LARP1: variants seen among roughly 807,000 people sequenced by gnomAD.
The protein encoded by LARP1 is la-related protein 1.
In LARP1, 36 loss-of-function variants were observed where a neutral mutation model predicts 122.7. The observed-to-expected ratio is 0.29, with a 90% CI of 0.22 to 0.39. The LOEUF is 0.39. LARP1 is among the 10% of genes least tolerant of loss of function. The probability of loss-of-function intolerance (pLI) is 1.00; values close to 1 mark genes in which losing one functional copy is unlikely to be tolerated. For synonymous variants in LARP1, 539 were observed against 528.7 expected, an observed-to-expected ratio of 1.02 and a Z score of -0.27; for missense variants, 1,040 against 1,403.6, an observed-to-expected ratio of 0.74 and a Z score of 4.14.
intron 18 of LARP1, among the ~76,000 whole-genome samples, chr5:154,812,449 A>T (rs1426067013): frequency 6.6e-6 from 1 of 150,744 alleles, no homozygotes; most frequent in Non-Finnish European, 1.5e-5. Context: ...GGAAGCAAAT[A>T]CATCCTTCTT....
intron 3 of LARP1, among the ~76,000 whole-genome samples, chr5:154,791,378 T>C (rs1757339382): frequency 6.6e-6 from 1 of 151,858 alleles, no homozygotes; most frequent in African/African-American, 2.4e-5. Context: ...CATGCCTGGC[T>C]AATTTTTGTA....
At chr5:154,714,481 T>C (rs1755383240) in intron 1 of LARP1, among the ~76,000 whole-genome samples, 1 of 152,226 alleles carries the variant, frequency 6.6e-6, no homozygotes, top group Admixed American at 6.5e-5. Flanking sequence ...AACCCAGTCC[T>C]GGAATGTGGC....
intron 1 of LARP1, among the ~76,000 whole-genome samples, chr5:154,737,627 G>C (rs892234733): frequency 2.0e-5 from 3 of 151,808 alleles, no homozygotes; most frequent in Admixed American, 2.0e-4. Flanking sequence ...ATTTTTAGTA[G>C]AGACGGGATT....
At chr5:154,748,008 A>C (rs551847863) in intron 1 of LARP1, among the ~76,000 whole-genome samples, 1 of 152,268 alleles carries the variant, frequency 6.6e-6, no homozygotes, top group Admixed American at 6.5e-5. Flanking sequence ...CACCACACCC[A>C]GCTAATTTCT....
intron 1 of LARP1, among the ~76,000 whole-genome samples, chr5:154,714,395 G>A (rs1755377113): frequency 6.6e-6 from 1 of 152,112 alleles, no homozygotes; most frequent in Non-Finnish European, 1.5e-5. Flanking sequence ...TTTTTGAAAT[G>A]TACAATCATA....
chr5:154,754,854 G>C (rs575104212), upstream of LARP1, among the ~76,000 whole-genome samples: 2 of 152,124 alleles, frequency 1.3e-5, no homozygotes, highest in African/African-American at 4.8e-5. Context: ...GCGCGTCCTC[G>C]GGGCGGATGA....
chr5:154,718,130 C>T (rs1457548817), intron 1 of LARP1, among the ~76,000 whole-genome samples: 1 of 152,038 alleles, frequency 6.6e-6, no homozygotes, highest in Non-Finnish European at 1.5e-5. Flanking sequence ...CTTTGTTGCC[C>T]AGCCTGGTCT....
At chr5:154,721,255 G>C (rs1042797664) in intron 1 of LARP1, among the ~76,000 whole-genome samples, 11 of 151,102 alleles carry the variant, frequency 7.3e-5, no homozygotes, top group Non-Finnish European at 1.3e-4. Flanking sequence ...GCTGAGGTGG[G>C]AAGATCCCTT....
chr5:154,697,253 G>T (rs983989742), intron 1 of LARP1, among the ~76,000 whole-genome samples: 1 of 147,578 alleles, frequency 6.8e-6, no homozygotes, highest in Admixed American at 6.8e-5. Context: ...TGAACCAAAT[G>T]GGGAGGCAGG....
intron 16 of LARP1, among the ~76,000 whole-genome samples, chr5:154,810,383 C>G (rs1169059851): frequency 6.6e-6 from 1 of 150,854 alleles, no homozygotes; most frequent in Non-Finnish European, 1.5e-5. Context: ...TTGCAGTGAG[C>G]CAAGATCGTG....
intron 7 of LARP1, among the ~76,000 whole-genome samples, chr5:154,794,783 G>T (rs1757614749): frequency 1.3e-5 from 2 of 152,170 alleles, no homozygotes. Flanking sequence ...TAGAACCTTT[G>T]TTCTTAACCA....
chr5:154,802,260 CA>C lies in LARP1; in HGVS notation c.1971del (p.Asp660ThrfsTer12), dbSNP rs1758410639. On this transcript the variant is annotated frameshift_variant, in exon 11 of 19. Coordinates refer to ENST00000518297, the MANE Select transcript of LARP1 (RefSeq NM_033551.3). LOFTEE classifies it high-confidence loss of function. The surrounding 1 kb of genome is among the most constrained non-coding windows in gnomAD (Gnocchi z 5.1). Reference sequence around the variant, plus strand: ...ACACCACATTACATGCGCCGGCACCCAGGGGGGGACCGCACAGGCAACCACA... The same window carrying C: ...ACACCACATTACATGCGCCGGCACCCGGGGGGGACCGCACAGGCAACCACA... ...TQTPHYMRRH[P>X]GGDRTGNHTS... 1.2e-6 allele frequency: 2 copies of C among 1,614,164 alleles called. No homozygotes were observed. Among genetic ancestry groups the C allele is most frequent in the Non-Finnish European group, 1.7e-6 (2 of 1,180,032 alleles).
At chr5:154,794,984 A>G (rs1757631338) in intron 7 of LARP1, among the ~76,000 whole-genome samples, 191 bp from the exon 8 acceptor site, 1 of 152,208 alleles carries the variant, frequency 6.6e-6, no homozygotes, top group South Asian at 2.1e-4. Context: ...ATTTGACCCA[A>G]GCAAGGTAGG....
intron 1 of LARP1, among the ~76,000 whole-genome samples, chr5:154,769,082 G>T (rs1228243630): frequency 6.6e-6 from 1 of 152,134 alleles, no homozygotes; most frequent in Non-Finnish European, 1.5e-5. Flanking sequence ...CAGGTGATTC[G>T]CCCACCTCGG....
chr5:154,790,635 T>G lies in LARP1; in HGVS notation c.499-10T>G. ...ACTCCTGGGGCCCTCATAGTGTATG[T>G]TCCCTGCAGGTTGGTGACTTTGGAG... On this transcript the variant is annotated splice_polypyrimidine_tract_variant and intron_variant, in intron 2 of 18. Coordinates refer to ENST00000518297, the MANE Select transcript of LARP1 (RefSeq NM_033551.3). 6.2e-7 allele frequency: 1 copy of G among 1,614,056 alleles called. No individual in the cohort carries two copies. The highest frequency in any genetic ancestry group is 8.5e-7 in the Non-Finnish European group (1 of 1,179,922).
chr5:154,796,083 TATATATA>T (rs1284810263), intron 8 of LARP1, among the ~76,000 whole-genome samples: 1 of 102,874 alleles, frequency 9.7e-6, no homozygotes, highest in Non-Finnish European at 1.8e-5. Flanking sequence ...GTATATATAT[TATATATA>T]TATTTTATAT....
At chr5:154,756,665 G>A (rs1753948695) in intron 1 of LARP1, 1 of 235,344 alleles carries the variant, frequency 4.2e-6, no homozygotes, top group South Asian at 1.5e-4. Flanking sequence ...CCAGTGCCCG[G>A]CGCGGAGTAC....
At chr5:154,697,202 C>CTTTTTTTTTTTTTTT (rs11399407) in intron 1 of LARP1, among the ~76,000 whole-genome samples, 1 of 141,568 alleles carries the variant, frequency 7.1e-6, no homozygotes, top group Non-Finnish European at 1.5e-5. Context: ...AGCTTTTTAT[C>CTTTTTTTTTTTTTTT]TTTTTTTTTT....
chr5:154,690,578 T>C (rs1754144934), intron 1 of LARP1, among the ~76,000 whole-genome samples: 1 of 152,030 alleles, frequency 6.6e-6, no homozygotes, highest in Non-Finnish European at 1.5e-5. Context: ...TTGAACTCGG[T>C]CCGCCCGGCC....
Sources: allele counts gnomAD v4.1 joint callset (sites outside exome capture counted in the v4.1 genomes callset), GRCh38; gene constraint gnomAD v4.1.1; non-coding constraint Gnocchi (gnomAD v3.1); transcripts MANE v1.5; gene names NCBI Gene and HGNC (gene_info 2026-07-23, HGNC 2026-07-21).